The following ACAP2 variants were observed in gnomAD, a reference collection of about 807,000 sequenced individuals.
ACAP2 encodes the protein ArfGAP with coiled-coil, ankyrin repeat and PH domains 2, also known as arf-GAP with coiled-coil, ANK repeat and PH domain-containing protein 2.
A neutral mutation model predicts 115.8 loss-of-function variants in ACAP2; 39 were observed. The observed-to-expected ratio is 0.34, with a 90% CI of 0.26 to 0.44. ACAP2 has a LOEUF of 0.44. Ranked by LOEUF, ACAP2 falls within the 20% of genes least tolerant of loss-of-function variation. The pLI is 1.00. For synonymous variants in ACAP2, 289 were observed against 315.8 expected, an observed-to-expected ratio of 0.92 and a Z score of 0.90; for missense variants, 662 against 927.6, an observed-to-expected ratio of 0.71 and a Z score of 3.72.
At chr3:195,397,633 T>C (rs1214659325) in intron 1 of ACAP2, among the ~76,000 whole-genome samples, 3 of 152,146 alleles carry the variant, frequency 2.0e-5, no homozygotes, top group Non-Finnish European at 4.4e-5. Flanking sequence ...CTTCTTGTGT[T>C]TGAATCGCTA....
In ACAP2 at chr3:195,291,814, C is replaced by T; in HGVS notation, c.1955G>A (p.Gly652Asp). Residue 652 changes from glycine (G) to aspartate (D), a missense_variant and splice_region_variant, in exon 20 of 23, where the codon GGC becomes GAC. Transcript: ENST00000326793. ...GAGGAACTCACACGTCACCAAAGAG[C>T]CCTTAAAGGAAAAAAGAGGATAACT... ...ATPLIQAVLG[G>D]SLVTCEFLLQ... 2 of 1,604,852 alleles carry T rather than the reference C, an allele frequency of 1.2e-6. No homozygotes were observed. Among genetic ancestry groups the T allele is most frequent in the Non-Finnish European group, 1.7e-6 (2 of 1,177,168 alleles).
chr3:195,300,255 G>C (rs896538176), intron 15 of ACAP2, among the ~76,000 whole-genome samples: 8 of 152,070 alleles, frequency 5.3e-5, no homozygotes, highest in African/African-American at 1.4e-4. Context: ...ATGTTGGCGA[G>C]GCTGGTTTCA....
At chr3:195,427,032 C>T (rs928877422) in intron 1 of ACAP2, among the ~76,000 whole-genome samples, 1 of 151,982 alleles carries the variant, frequency 6.6e-6, no homozygotes, top group African/African-American at 2.4e-5. Flanking sequence ...ATCATCTGAC[C>T]TTGAGATTGG....
chr3:195,375,658 A>G (rs528428370), intron 4 of ACAP2, among the ~76,000 whole-genome samples: 1 of 152,300 alleles, frequency 6.6e-6, no homozygotes, highest in African/African-American at 2.4e-5. Flanking sequence ...CAAAAAAATT[A>G]AAAATTAGCT....
At position 195,277,483 on chromosome 3, in the gene ACAP2, C is replaced by G. The variant is rs959494512; in HGVS notation, c.*1845G>C. 1 of 152,192 alleles carries G rather than the reference C, an allele frequency of 6.6e-6. No individual in the cohort carries two copies. Among genetic ancestry groups the G allele is most frequent in the Non-Finnish European group, 1.5e-5 (1 of 68,036 alleles). The allele number at this position is 152,192 out of a possible 1,614,324, so 9.4% of individuals were successfully genotyped here. A position where few individuals can be genotyped will look rare whatever the true frequency, so the allele number is the denominator to read the frequency against. Reference sequence around the variant, plus strand: ...TTCACAAATATATTTTTATCCTTATCTAACATACAGTGACCATTACTAAAT... The same window carrying G: ...TTCACAAATATATTTTTATCCTTATGTAACATACAGTGACCATTACTAAAT... On this transcript the variant is annotated 3_prime_UTR_variant, in exon 23 of 23. Coordinates refer to ENST00000326793, the MANE Select transcript of ACAP2 (RefSeq NM_012287.6).
chr3:195,438,934 G>C (rs762486321), intron 1 of ACAP2, among the ~76,000 whole-genome samples: 1 of 151,998 alleles, frequency 6.6e-6, no homozygotes, highest in Non-Finnish European at 1.5e-5. Context: ...GGAGGTGCAC[G>C]CCTATAATCC....
chr3:195,294,683 C>T (rs1454546789), intron 18 of ACAP2, 36 bp downstream of exon 18: 6 of 1,253,224 alleles, frequency 4.8e-6, no homozygotes, highest in African/African-American at 1.5e-5. Context: ...TTCCAGCAAA[C>T]AAAACCAATT....
At chr3:195,404,274 G>A (rs557192629) in intron 1 of ACAP2, among the ~76,000 whole-genome samples, 2 of 152,218 alleles carry the variant, frequency 1.3e-5, no homozygotes, top group East Asian at 3.9e-4. Flanking sequence ...GCTGCCGACA[G>A]GTCAAACAAG....
intron 1 of ACAP2, among the ~76,000 whole-genome samples, chr3:195,402,396 G>GA (rs1036740124): frequency 2.0e-4 from 31 of 151,542 alleles, no homozygotes; most frequent in Admixed American, 1.1e-3. Context: ...AAAGTCTCCA[G>GA]AAAAAAATAA....
chr3:195,427,398 C>A (rs1399795776), intron 1 of ACAP2, among the ~76,000 whole-genome samples: 2 of 151,868 alleles, frequency 1.3e-5, no homozygotes, highest in Admixed American at 1.3e-4. Flanking sequence ...AGCTAGTCAT[C>A]CATCATTTAA....
intron 9 of ACAP2, among the ~76,000 whole-genome samples, chr3:195,323,160 T>C (rs1729559937): frequency 6.6e-6 from 1 of 152,122 alleles, no homozygotes; most frequent in South Asian, 2.1e-4. Context: ...AACTTTCCCT[T>C]TGAAACAGCA....
intron 2 of ACAP2, 86 bp downstream of exon 2, chr3:195,392,002 TAA>T: frequency 9.1e-7 from 1 of 1,101,818 alleles, no homozygotes; most frequent in East Asian, 2.5e-5. Flanking sequence ...CTCCAAAAAA[TAA>T]AAAAGAGACC....
intron 7 of ACAP2, 74 bp downstream of exon 7, chr3:195,336,856 GCT>G: frequency 8.7e-7 from 1 of 1,148,512 alleles, no homozygotes; most frequent in Non-Finnish European, 1.3e-6. Flanking sequence ...TATAGCAGAT[GCT>G]CTTTCAACAC....
intron 4 of ACAP2, among the ~76,000 whole-genome samples, chr3:195,349,112 G>A (rs1289318770): frequency 6.6e-6 from 1 of 152,098 alleles, no homozygotes; most frequent in Non-Finnish European, 1.5e-5. Flanking sequence ...TAAGAAGGCT[G>A]TAGAAACAAA....
intron 4 of ACAP2, among the ~76,000 whole-genome samples, chr3:195,359,187 G>C (rs1235230390): frequency 6.6e-6 from 1 of 152,146 alleles, no homozygotes; most frequent in Non-Finnish European, 1.5e-5. Flanking sequence ...GCTACAGGGA[G>C]GTTCTTCACT....
At chr3:195,374,443 A>C (rs1025473494) in intron 4 of ACAP2, among the ~76,000 whole-genome samples, 1 of 152,230 alleles carries the variant, frequency 6.6e-6, no homozygotes, top group Admixed American at 6.5e-5. Context: ...TGTGTCAATC[A>C]GAGAAAAAGA....
At chr3:195,417,463 T>A (rs947818878) in intron 1 of ACAP2, among the ~76,000 whole-genome samples, 1 of 152,150 alleles carries the variant, frequency 6.6e-6, no homozygotes, top group Non-Finnish European at 1.5e-5. Flanking sequence ...CAATGTCCTA[T>A]TATCATTCTA....
At chr3:195,279,777 T>G (rs1000644976) in intron 22 of ACAP2, 4 of 158,974 alleles carry the variant, frequency 2.5e-5, no homozygotes, top group African/African-American at 9.6e-5. Flanking sequence ...AGACCTTCTT[T>G]AAATAAATAT....
At chr3:195,416,045 C>T (rs1423497654) in intron 1 of ACAP2, among the ~76,000 whole-genome samples, 1 of 152,034 alleles carries the variant, frequency 6.6e-6, no homozygotes, top group East Asian at 1.9e-4. Flanking sequence ...GAACAATTAA[C>T]ATGAAAAGAT....
Sources: allele counts gnomAD v4.1 joint callset (sites outside exome capture counted in the v4.1 genomes callset), GRCh38; gene constraint gnomAD v4.1.1; transcripts MANE v1.5; gene names NCBI Gene and HGNC (gene_info 2026-07-23, HGNC 2026-07-21).